ROBO2: variants seen among roughly 807,000 people sequenced by gnomAD.
The protein encoded by ROBO2 is roundabout guidance receptor 2, also known as roundabout homolog 2.
ROBO2 carries 53 observed loss-of-function variants against 160.8 expected under a neutral mutation model. The observed-to-expected ratio is 0.33, with a 90% CI of 0.26 to 0.41. The LOEUF (loss-of-function observed/expected upper bound fraction) is 0.41, where lower values mean the gene tolerates loss of function less well. Among genes scored for constraint, ROBO2 ranks in the 10% least tolerant of loss-of-function variants. ROBO2 has a pLI of 1.00. For synonymous variants in ROBO2, 664 were observed against 611.7 expected, an observed-to-expected ratio of 1.09 and a Z score of -1.26; for missense variants, 1,577 against 1,722.4, an observed-to-expected ratio of 0.92 and a Z score of 1.49.
At chr3:76,268,334 T>G (rs1707223295) in intron 2 of ROBO2, among the ~76,000 whole-genome samples, 1 of 152,170 alleles carries the variant, frequency 6.6e-6, no homozygotes, top group Non-Finnish European at 1.5e-5. Context: ...TTGGAATTTC[T>G]TTCAACAAAG....
exon 26 of ROBO2, chr3:77,647,289 CA>C (rs1226272124): frequency 5.3e-5 from 8 of 152,004 alleles, no homozygotes; most frequent in Non-Finnish European, 1.2e-4. Flanking sequence ...AATGTATAGC[CA>C]AATTGTACGT....
chr3:76,711,522 T>G (rs2093293703), intron 2 of ROBO2, among the ~76,000 whole-genome samples: 1 of 152,174 alleles, frequency 6.6e-6, no homozygotes, highest in Admixed American at 6.5e-5. Context: ...GGAAAGGTGA[T>G]TAGGCTCACT....
At chr3:76,084,993 T>C (rs62268902) in intron 2 of ROBO2, among the ~76,000 whole-genome samples, 1 of 152,118 alleles carries the variant, frequency 6.6e-6, no homozygotes, top group African/African-American at 2.4e-5. Flanking sequence ...AAAAAAAATT[T>C]ATGCAACCTC....
At chr3:76,260,751 G>A (rs149261613) in intron 2 of ROBO2, among the ~76,000 whole-genome samples, 3,708 of 152,076 alleles carry the variant, frequency 0.024, 61 homozygotes, top group South Asian at 0.078. Context: ...TCAAAGGATC[G>A]CACAATAATG....
intron 2 of ROBO2, among the ~76,000 whole-genome samples, chr3:77,103,850 C>G (rs544278317): frequency 6.6e-6 from 1 of 152,226 alleles, no homozygotes; most frequent in South Asian, 2.1e-4. Flanking sequence ...TATGAGAGGG[C>G]ACAGGTGGCA....
chr3:76,175,389 T>C (rs1327770148), intron 2 of ROBO2, among the ~76,000 whole-genome samples: 2 of 152,110 alleles, frequency 1.3e-5, no homozygotes, highest in East Asian at 3.9e-4. Flanking sequence ...GTTTTAAGCT[T>C]TAGTATCTTA....
At position 76,580,330 on chromosome 3, in the gene ROBO2, T is replaced by TTTG. The variant is rs761034558; in HGVS notation, c.110-517682_110-517681insGTT. On this transcript the variant is annotated intron_variant, in intron 2 of 26. Coordinates refer to the ROBO2 transcript ENST00000487694. The stretch of plus-strand genomic sequence containing the variant: ...AACCCAACCCCTGTTTTTTTTTTGT[T>TTTG]TTTTTTTTTGTGTTTTTTTTTTTGT... 2.9e-5 allele frequency among the ~76,000 whole-genome samples: 4 copies of TTTG among 136,280 alleles called. 1 individual carries two copies. The highest frequency in any genetic ancestry group is 5.6e-5 in the African/African-American group (2 of 35,750). 89.4% of individuals were successfully genotyped at this position (136,280 alleles called of 152,430 possible).
At chr3:77,141,857 T>C (rs2076731153) in intron 2 of ROBO2, among the ~76,000 whole-genome samples, 1 of 152,230 alleles carries the variant, frequency 6.6e-6, no homozygotes, top group Non-Finnish European at 1.5e-5. Flanking sequence ...AAGTCTATTG[T>C]ATGAATTGCA....
At chr3:77,373,902 T>A (rs1437912376) in intron 2 of ROBO2, among the ~76,000 whole-genome samples, 2 of 147,396 alleles carry the variant, frequency 1.4e-5, no homozygotes, top group Non-Finnish European at 1.5e-5. Context: ...CGGGGCGCGA[T>A]GGCTCGTGCC....
chr3:76,400,715 A>G lies in ROBO2; in HGVS notation c.109+463113A>G, dbSNP rs73840950. On this transcript the variant is annotated intron_variant, in intron 2 of 26. Coordinates refer to the ROBO2 transcript ENST00000487694. ...AATAAAAATATAACTTATTTATAAA[A>G]CTTGCTCATTCAATATCTGCTTTTT... Among the ~76,000 whole-genome samples the G allele has an allele frequency of 3.9e-3, 596 of 151,640 alleles. 6 individuals carry two copies. The highest frequency in any genetic ancestry group is 0.013 in the African/African-American group (560 of 41,492).
At chr3:77,350,417 T>A (rs2068196836) in intron 2 of ROBO2, among the ~76,000 whole-genome samples, 1 of 152,136 alleles carries the variant, frequency 6.6e-6, no homozygotes, top group Non-Finnish European at 1.5e-5. Flanking sequence ...GTTAATTGAA[T>A]GTGAGTCTCT....
intron 2 of ROBO2, among the ~76,000 whole-genome samples, chr3:76,738,967 G>A (rs2093758301): frequency 6.6e-6 from 1 of 152,148 alleles, no homozygotes; most frequent in Non-Finnish European, 1.5e-5. Flanking sequence ...AAAGGTAGTT[G>A]GGTGTGATTC....
chr3:76,707,731 G>GTGTATATATATATA (rs376823667), intron 2 of ROBO2, among the ~76,000 whole-genome samples: 143 of 134,144 alleles, frequency 1.1e-3, no homozygotes, highest in East Asian at 2.6e-3. Context: ...ACATGTGTGT[G>GTGTATATATATATA]TATATATATA....
At chr3:77,424,635 G>T (rs1447718334) in intron 2 of ROBO2, among the ~76,000 whole-genome samples, 1 of 152,104 alleles carries the variant, frequency 6.6e-6, no homozygotes, top group Non-Finnish European at 1.5e-5. Flanking sequence ...TCCACAATTT[G>T]TAATGTAAAG....
At chr3:77,231,563 A>G in intron 2 of ROBO2, among the ~76,000 whole-genome samples, 1 of 152,072 alleles carries the variant, frequency 6.6e-6, no homozygotes, top group East Asian at 1.9e-4. Context: ...TTTACTAAGA[A>G]AATAGAGGTG....
chr3:77,414,528 A>G (rs1472675693), intron 2 of ROBO2, among the ~76,000 whole-genome samples: 1 of 152,222 alleles, frequency 6.6e-6, no homozygotes, highest in African/African-American at 2.4e-5. Context: ...AGTTAGAAAA[A>G]TTAATGATAC....
chr3:77,425,834 T>C (rs992531464), intron 2 of ROBO2, among the ~76,000 whole-genome samples: 5 of 151,898 alleles, frequency 3.3e-5, no homozygotes, highest in Admixed American at 6.6e-5. Context: ...CAGCTAATTT[T>C]TGTATTTTAG....
At chr3:77,473,354 C>A (rs1456147483) in intron 2 of ROBO2, among the ~76,000 whole-genome samples, 1 of 151,188 alleles carries the variant, frequency 6.6e-6, no homozygotes, top group Admixed American at 6.6e-5. Context: ...TCCAGGTATC[C>A]CTTTCTATCG....
intron 2 of ROBO2, among the ~76,000 whole-genome samples, chr3:76,226,166 A>T (rs1704270974): frequency 6.6e-6 from 1 of 152,206 alleles, no homozygotes; most frequent in African/African-American, 2.4e-5. Flanking sequence ...AAGAACACTA[A>T]TTTTTTCTCC....
Sources: gnomAD v4.1 joint callset for allele counts (sites outside exome capture counted in the v4.1 genomes callset) on GRCh38, gnomAD v4.1.1 for gene constraint, MANE v1.5 for transcripts, NCBI Gene and HGNC (gene_info 2026-07-23, HGNC 2026-07-21) for gene names.